Variants in SLC8A1 observed in about 807,000 individuals in gnomAD.
The protein encoded by SLC8A1 is solute carrier family 8 member A1, also known as sodium/calcium exchanger 1.
Under a neutral mutation model 68.3 loss-of-function variants are expected in SLC8A1, and 18 were observed. That is an observed-to-expected ratio of 0.26 (90% CI 0.18 to 0.39). The LOEUF is 0.39. SLC8A1 is among the 10% of genes least tolerant of loss of function. The pLI, the probability that SLC8A1 is intolerant of heterozygous loss-of-function variation, is 1.00. For synonymous variants in SLC8A1, 475 were observed against 415.5 expected (o/e 1.14, Z -1.74); for missense variants, 985 against 1,156.7 (o/e 0.85, Z 2.15).
At chr2:40,394,646 T>C (rs1381125838) in intron 2 of SLC8A1, among the ~76,000 whole-genome samples, 11 of 152,142 alleles carry the variant, frequency 7.2e-5, no homozygotes, top group Non-Finnish European at 1.5e-5. Flanking sequence ...TCTTCCTCTT[T>C]AGAGAACTGT....
intron 2 of SLC8A1, among the ~76,000 whole-genome samples, chr2:40,241,902 A>G (rs994517861): frequency 8.5e-5 from 13 of 152,204 alleles, no homozygotes; most frequent in African/African-American, 2.7e-4. Flanking sequence ...TCTAAAAACA[A>G]TATGTTTATG....
At chr2:40,327,426 G>A (rs1462225781) in intron 2 of SLC8A1, among the ~76,000 whole-genome samples, 2 of 152,170 alleles carry the variant, frequency 1.3e-5, no homozygotes. Flanking sequence ...GGAAATAACT[G>A]TTTCATGACA....
rs1382527768 is a variant in SLC8A1, at chr2:40,133,583, C to T, written c.2437+5818G>A. Among the ~76,000 whole-genome samples the T allele has an allele frequency of 3.3e-5, 5 of 151,998 alleles. No individual in the cohort carries two copies. The South Asian group carries it at 1.0e-3, about 32-fold the overall frequency. On this transcript the variant is annotated intron_variant, in intron 7 of 7. Coordinates refer to ENST00000406785, the Ensembl canonical transcript of SLC8A1. ...TATCATACCCAATTTTTAAGCTTTT[C>T]TGGCCCAGTAGCAACCAGCTGGTAG...
chr2:40,174,917 C>A, intron 3 of SLC8A1, 75 bp from the exon 5 acceptor site: 1 of 1,405,496 alleles, frequency 7.1e-7, no homozygotes, highest in Non-Finnish European at 1.0e-6. Context: ...CATCAGACTG[C>A]CTGACAACCC....
chr2:40,178,504 G>A lies in SLC8A1; in HGVS notation c.1809-649C>T, dbSNP rs1297194765. On this transcript the variant is annotated intron_variant, in intron 2 of 7. Transcript: ENST00000406785. Reference sequence around the variant, plus strand: ...ACTGATATTGTTTTGCTGAAACAGAGAATAGAAATTGACGAACAAGGGGAA... The same window carrying A: ...ACTGATATTGTTTTGCTGAAACAGAAAATAGAAATTGACGAACAAGGGGAA... The A allele has an allele frequency of 1.3e-6, 2 of 1,599,854 alleles. No individual in the cohort carries two copies. Among genetic ancestry groups the A allele is most frequent in the Non-Finnish European group, 1.7e-6 (2 of 1,168,028 alleles).
At chr2:40,508,743 A>AT (rs1706521671) in intron 1 of SLC8A1, among the ~76,000 whole-genome samples, 2 of 152,092 alleles carry the variant, frequency 1.3e-5, no homozygotes, top group Admixed American at 6.6e-5. Context: ...GAGAAAGTAC[A>AT]TTTTTTTCCT....
chr2:40,115,364 C>G (rs2035124337), exon 8 of SLC8A1: 2 of 1,614,174 alleles, frequency 1.2e-6, no homozygotes. Context: ...GGGGCCCACC[C>G]AGCTCACCTC....
chr2:40,154,192 G>T (rs2043973396), intron 6 of SLC8A1, among the ~76,000 whole-genome samples: 1 of 151,886 alleles, frequency 6.6e-6, no homozygotes, highest in South Asian at 2.1e-4. Context: ...TCAGAATATA[G>T]GTGAAGAACA....
chr2:40,305,241 T>C (rs2072344796), intron 2 of SLC8A1, among the ~76,000 whole-genome samples: 1 of 152,180 alleles, frequency 6.6e-6, no homozygotes, highest in Admixed American at 6.5e-5. Flanking sequence ...AGGATGACCA[T>C]GACACAGTCC....
intron 7 of SLC8A1, among the ~76,000 whole-genome samples, chr2:40,137,494 T>G (rs2040737843): frequency 6.6e-6 from 1 of 152,178 alleles, no homozygotes; most frequent in Non-Finnish European, 1.5e-5. Flanking sequence ...ACAATGTGAT[T>G]CAGTGACTTA....
chr2:40,317,266 A>G lies in SLC8A1; in HGVS notation c.1808+111207T>C, dbSNP rs188092816. On this transcript the variant is annotated intron_variant, in intron 2 of 7. Coordinates refer to ENST00000406785, the Ensembl canonical transcript of SLC8A1. The stretch of plus-strand genomic sequence containing the variant: ...TTATTACTGGAGACAGACAGTATCC[A>G]TCACTTCTCAGATTGATGCAAGGCA... Among the ~76,000 whole-genome samples, 376 of 152,178 alleles carry G rather than the reference A, an allele frequency of 2.5e-3. 2 individuals are homozygous for G. The highest frequency in any genetic ancestry group is 3.5e-3 in the Non-Finnish European group (237 of 67,976).
intron 2 of SLC8A1, among the ~76,000 whole-genome samples, chr2:40,291,647 T>C (rs2069344815): frequency 6.6e-6 from 1 of 152,090 alleles, no homozygotes; most frequent in African/African-American, 2.4e-5. Flanking sequence ...CACCTGCCAG[T>C]CCAGAGAAGT....
At chr2:40,289,899 T>C (rs148028867) in intron 2 of SLC8A1, among the ~76,000 whole-genome samples, 2,171 of 150,598 alleles carry the variant, frequency 0.014, 17 homozygotes, top group Middle Eastern at 0.031. Context: ...AATTAAAAAA[T>C]AAGGAGGAAA....
chr2:40,190,783 A>C (rs530761321), intron 2 of SLC8A1: 1 of 152,258 alleles, frequency 6.6e-6, no homozygotes. Context: ...AATAGTCAAT[A>C]AAAATCAACC....
intron 1 of SLC8A1, among the ~76,000 whole-genome samples, chr2:40,502,249 C>T (rs1015329591): frequency 6.6e-6 from 1 of 151,994 alleles, no homozygotes; most frequent in African/African-American, 2.4e-5. Flanking sequence ...CTTCCCTTTC[C>T]TCATGTCATT....
chr2:40,249,523 C>T (rs1354922505), intron 2 of SLC8A1, among the ~76,000 whole-genome samples: 1 of 152,168 alleles, frequency 6.6e-6, no homozygotes, highest in Non-Finnish European at 1.5e-5. Context: ...CAGTCTCCAA[C>T]AAGGTGTCAA....
chr2:40,338,479 A>C (rs1175696313), intron 2 of SLC8A1, among the ~76,000 whole-genome samples: 1 of 152,150 alleles, frequency 6.6e-6, no homozygotes, highest in African/African-American at 2.4e-5. Flanking sequence ...GATTACTCTG[A>C]GATAAAATGC....
intron 2 of SLC8A1, among the ~76,000 whole-genome samples, chr2:40,392,240 G>C (rs1576024973): frequency 1.3e-5 from 2 of 149,080 alleles, no homozygotes; most frequent in South Asian, 4.2e-4. Flanking sequence ...AAAAGAAAGA[G>C]AAAGGAAGCA....
At chr2:40,384,021 G>A (rs1682777797) in intron 2 of SLC8A1, among the ~76,000 whole-genome samples, 1 of 152,030 alleles carries the variant, frequency 6.6e-6, no homozygotes, top group African/African-American at 2.4e-5. Context: ...AACATTTTGG[G>A]AGGTTGAAAT....
Sources: allele counts gnomAD v4.1 joint callset (sites outside exome capture counted in the v4.1 genomes callset), GRCh38; gene constraint gnomAD v4.1.1; transcripts MANE v1.5; gene names NCBI Gene and HGNC (gene_info 2026-07-23, HGNC 2026-07-21).